The following LRRTM4 variants were observed in gnomAD, a reference collection of about 807,000 sequenced individuals.
LRRTM4 encodes the protein leucine-rich repeat transmembrane neuronal protein 4.
In LRRTM4, 25 loss-of-function variants were observed where a neutral mutation model predicts 47.6. The observed-to-expected ratio is 0.53, with a 90% CI of 0.38 to 0.73. The LOEUF (loss-of-function observed/expected upper bound fraction) is 0.73, where lower values mean the gene tolerates loss of function less well. Among genes scored for constraint, LRRTM4 ranks in the 30% least tolerant of loss-of-function variants. The probability of loss-of-function intolerance (pLI) is 0.00; values close to 1 mark genes in which losing one functional copy is unlikely to be tolerated. For synonymous variants in LRRTM4, 311 were observed against 269.5 expected, an observed-to-expected ratio of 1.15 and a Z score of -1.51; for missense variants, 638 against 713.4, an observed-to-expected ratio of 0.89 and a Z score of 1.20.
intron 3 of LRRTM4, among the ~76,000 whole-genome samples, chr2:77,004,864 T>C (rs1007077720): frequency 6.6e-6 from 1 of 152,080 alleles, no homozygotes; most frequent in African/African-American, 2.4e-5. Flanking sequence ...GAGTCAAAGA[T>C]TATTTCCAAG....
chr2:77,266,497 A>G (rs1676053596), intron 3 of LRRTM4, among the ~76,000 whole-genome samples: 1 of 152,290 alleles, frequency 6.6e-6, no homozygotes, highest in Admixed American at 6.5e-5. Flanking sequence ...AGATATCAGA[A>G]GCAAAATATT....
chr2:77,138,385 C>T (rs537463333), intron 3 of LRRTM4, among the ~76,000 whole-genome samples: 10 of 152,026 alleles, frequency 6.6e-5, no homozygotes, highest in South Asian at 4.1e-4. Flanking sequence ...GGGTACATAA[C>T]GAAATGAAGG....
intron 3 of LRRTM4, among the ~76,000 whole-genome samples, chr2:77,003,253 G>C (rs1283235298): frequency 1.3e-5 from 2 of 151,526 alleles, no homozygotes; most frequent in Non-Finnish European, 2.9e-5. Context: ...TATAATTATA[G>C]ATTCTATTTT....
chr2:77,419,802 GA>G (rs535894028), intron 3 of LRRTM4, among the ~76,000 whole-genome samples: 6 of 146,152 alleles, frequency 4.1e-5, no homozygotes, highest in South Asian at 4.3e-4. Flanking sequence ...GGAGCTTCAA[GA>G]AAAAAAAAAG....
chr2:76,858,760 C>A (rs1672229903), intron 3 of LRRTM4, among the ~76,000 whole-genome samples: 1 of 152,088 alleles, frequency 6.6e-6, no homozygotes, highest in African/African-American at 2.4e-5. Flanking sequence ...ATCTCTATCA[C>A]CTTAAATATT....
intron 3 of LRRTM4, 41 bp from the exon 4 acceptor site, chr2:76,748,957 G>T (rs62170443): frequency 0.015 from 22,572 of 1,553,700 alleles, 232 homozygotes; most frequent in Non-Finnish European, 0.017. Flanking sequence ...TTATAAAATT[G>T]CTTTGGAAAG....
intron 3 of LRRTM4, among the ~76,000 whole-genome samples, chr2:77,049,123 T>TATATATATATATACATATATATAC (rs1558549406): frequency 2.5e-5 from 1 of 40,708 alleles, no homozygotes; most frequent in African/African-American, 8.2e-5. Flanking sequence ...TTTCATTTTT[T>TATATATATATATACATATATATAC]ATATATATAT....
intron 3 of LRRTM4, among the ~76,000 whole-genome samples, chr2:77,061,652 C>T (rs1679789130): frequency 6.6e-6 from 1 of 152,092 alleles, no homozygotes; most frequent in Admixed American, 6.6e-5. Flanking sequence ...ATATCATGTT[C>T]ATATATACAT....
intron 3 of LRRTM4, among the ~76,000 whole-genome samples, chr2:77,248,924 G>GA (rs1445803150): frequency 1.3e-5 from 2 of 151,898 alleles, no homozygotes; most frequent in African/African-American, 2.4e-5. Context: ...AAATATAAAA[G>GA]AAAAAATATA....
chr2:77,347,518 A>T (rs2104289107), intron 3 of LRRTM4, among the ~76,000 whole-genome samples: 1 of 152,326 alleles, frequency 6.6e-6, no homozygotes, highest in South Asian at 2.1e-4. Context: ...TGGACTCATC[A>T]CAAAATAAAA....
At chr2:77,476,446 AT>A (rs1234446690) in intron 3 of LRRTM4, among the ~76,000 whole-genome samples, 3 of 152,088 alleles carry the variant, frequency 2.0e-5, no homozygotes, top group Admixed American at 6.6e-5. Context: ...CCATACATTG[AT>A]TTTTTTGTAA....
chr2:76,945,568 T>C (rs1380547879), intron 3 of LRRTM4, among the ~76,000 whole-genome samples: 2 of 152,072 alleles, frequency 1.3e-5, no homozygotes, highest in Admixed American at 1.3e-4. Flanking sequence ...ACAAAGTCTT[T>C]TTAACCTAAA....
At chr2:77,107,818 C>CAAAAAAAAAAAAAA (rs768875970) in intron 3 of LRRTM4, among the ~76,000 whole-genome samples, 1 of 57,892 alleles carries the variant, frequency 1.7e-5, no homozygotes, top group Non-Finnish European at 3.6e-5. Context: ...AAATCCAACT[C>CAAAAAAAAAAAAAA]AAAAAAAAAA....
intron 3 of LRRTM4, among the ~76,000 whole-genome samples, chr2:77,335,732 C>G (rs1012484243): frequency 1.3e-5 from 2 of 152,144 alleles, no homozygotes; most frequent in Non-Finnish European, 2.9e-5. Flanking sequence ...ATTGATGAAT[C>G]TCTGCTATTT....
chr2:77,089,599 ACT>A (rs769323649), intron 3 of LRRTM4, among the ~76,000 whole-genome samples: 3 of 144,050 alleles, frequency 2.1e-5, no homozygotes, highest in Admixed American at 6.9e-5. Flanking sequence ...CTGTTTCTCT[ACT>A]CTCTCTTTTC....
At chr2:77,319,505 G>A (rs1677725538) in intron 3 of LRRTM4, among the ~76,000 whole-genome samples, 1 of 152,154 alleles carries the variant, frequency 6.6e-6, no homozygotes, top group Non-Finnish European at 1.5e-5. Flanking sequence ...AAGCTGATTT[G>A]GTTCTCACTG....
chr2:76,834,015 A>ATTT (rs1558683172), intron 3 of LRRTM4, among the ~76,000 whole-genome samples: 5 of 121,808 alleles, frequency 4.1e-5, no homozygotes, highest in African/African-American at 1.1e-4. Flanking sequence ...TTTTTCATTT[A>ATTT]TTTATTATTT....
At chr2:76,750,903 A>G (rs941611945) in intron 3 of LRRTM4, among the ~76,000 whole-genome samples, 7 of 152,174 alleles carry the variant, frequency 4.6e-5, no homozygotes, top group African/African-American at 7.2e-5. Flanking sequence ...AATGTTTTCT[A>G]TGCGCAAATG....
intron 3 of LRRTM4, among the ~76,000 whole-genome samples, chr2:77,036,590 G>T (rs1425083975): frequency 6.6e-6 from 1 of 151,392 alleles, no homozygotes; most frequent in African/African-American, 2.4e-5. Context: ...TTTTCTTTTT[G>T]CATGAACATG....
Sources: gnomAD v4.1 joint callset for allele counts (sites outside exome capture counted in the v4.1 genomes callset) on GRCh38, gnomAD v4.1.1 for gene constraint, MANE v1.5 for transcripts, NCBI Gene and HGNC (gene_info 2026-07-23, HGNC 2026-07-21) for gene names.